Variants in NME9 observed in about 807,000 individuals in gnomAD.
NME9 encodes the protein thioredoxin domain-containing protein 6.
Under a neutral mutation model 44.4 loss-of-function variants are expected in NME9, and 48 were observed. The ratio of observed to expected loss-of-function variants is 1.08; its 90% CI spans 0.86 to 1.37. The LOEUF is 1.37. NME9 is among the 40% of genes most tolerant of loss of function. NME9 has a pLI of 0.00. For missense variants in NME9, 325 were observed against 405.2 expected, an observed-to-expected ratio of 0.80 and a Z score of 1.70; for synonymous variants, 139 against 147.1, an observed-to-expected ratio of 0.94 and a Z score of 0.40.
At chr3:138,280,528 C>T (rs1350752477) in intron 8 of NME9, among the ~76,000 whole-genome samples, 2 of 148,892 alleles carry the variant, frequency 1.3e-5, no homozygotes, top group Non-Finnish European at 3.0e-5. Context: ...GTCTCTCGCT[C>T]TGTCGCCCAG....
intron 8 of NME9, among the ~76,000 whole-genome samples, chr3:138,275,615 C>G (rs1359360404): frequency 6.6e-6 from 1 of 151,876 alleles, no homozygotes; most frequent in East Asian, 1.9e-4. Flanking sequence ...CTGAAAGAAA[C>G]TCGCCCAAGG....
intron 8 of NME9, among the ~76,000 whole-genome samples, chr3:138,266,190 T>C (rs981032646): frequency 6.6e-6 from 1 of 152,228 alleles, no homozygotes; most frequent in Non-Finnish European, 1.5e-5. Context: ...ATTAGACATA[T>C]GTCATCTCTT....
chr3:138,324,730 A>AT, intron 2 of NME9, 143 bp downstream of exon 2: 3 of 655,582 alleles, frequency 4.6e-6, no homozygotes, highest in Non-Finnish European at 8.5e-6. Context: ...ACACACACAC[A>AT]CACACACACA....
At chr3:138,268,725 A>G (rs1358178001) in intron 8 of NME9, among the ~76,000 whole-genome samples, 1 of 151,994 alleles carries the variant, frequency 6.6e-6, no homozygotes, top group African/African-American at 2.4e-5. Flanking sequence ...GCAATGAGGT[A>G]TGATCATGCC....
At chr3:138,261,703 A>G (rs2047761491) in exon 9 of NME9, 1 of 152,220 alleles carries the variant, frequency 6.6e-6, no homozygotes, top group Non-Finnish European at 1.5e-5. Flanking sequence ...AACAGGATTG[A>G]AAATGAGAGG....
At chr3:138,277,556 A>C (rs1191623668) in intron 8 of NME9, among the ~76,000 whole-genome samples, 3 of 152,216 alleles carry the variant, frequency 2.0e-5, no homozygotes, top group African/African-American at 7.2e-5. Flanking sequence ...ACAAGAAAAC[A>C]ACCAAACATA....
At chr3:138,316,230 A>G (rs2053070964) in intron 4 of NME9, among the ~76,000 whole-genome samples, 1 of 152,288 alleles carries the variant, frequency 6.6e-6, no homozygotes, top group Middle Eastern at 3.4e-3. Context: ...CCAGCAGTTC[A>G]TTAAGGGAGG....
At chr3:138,313,872 A>C (rs1361071200) in intron 6 of NME9, among the ~76,000 whole-genome samples, 1 of 152,214 alleles carries the variant, frequency 6.6e-6, no homozygotes. Flanking sequence ...GATCTCATGA[A>C]GATAGAGAGT....
chr3:138,272,650 G>A (rs2048902958), intron 8 of NME9, among the ~76,000 whole-genome samples: 1 of 152,216 alleles, frequency 6.6e-6, no homozygotes, highest in Non-Finnish European at 1.5e-5. Context: ...GCCAAAGCAA[G>A]TGGATCACGA....
chr3:138,261,863 G>A (rs1443789115), exon 9 of NME9: 1 of 152,210 alleles, frequency 6.6e-6, no homozygotes. Context: ...AAGTTGCAAT[G>A]TGTGTCCCCA....
chr3:138,304,531 G>A (rs932407404), intron 9 of NME9, among the ~76,000 whole-genome samples: 2 of 152,206 alleles, frequency 1.3e-5, no homozygotes, highest in Admixed American at 6.5e-5. Flanking sequence ...GTCTCTGATT[G>A]ACAGGCTTGA....
intron 10 of NME9, chr3:138,303,270 A>G (rs2108428263): frequency 2.4e-6 from 1 of 410,214 alleles, no homozygotes; most frequent in East Asian, 3.5e-5. Flanking sequence ...TGACTCCAAG[A>G]TAAGCAGCAA....
At chr3:138,307,046 G>A (rs929055468) in intron 6 of NME9, among the ~76,000 whole-genome samples, 1 of 152,140 alleles carries the variant, frequency 6.6e-6, no homozygotes, top group Non-Finnish European at 1.5e-5. Context: ...GGCTCCTCCA[G>A]GCCCTGAGTC....
exon 9 of NME9, chr3:138,262,472 T>C (rs1359477936): frequency 6.5e-7 from 1 of 1,549,636 alleles, no homozygotes; most frequent in African/African-American, 1.4e-5. Flanking sequence ...CTCTTCTTGT[T>C]TGGCTGAAAC....
At chr3:138,271,281 C>T (rs961534878) in intron 8 of NME9, among the ~76,000 whole-genome samples, 4 of 152,206 alleles carry the variant, frequency 2.6e-5, no homozygotes, top group African/African-American at 9.6e-5. Context: ...TTCTACCTAG[C>T]TTCCTTTTCA....
chr3:138,318,338 C>A, intron 3 of NME9, 119 bp from the exon 4 acceptor site: 1 of 711,798 alleles, frequency 1.4e-6, no homozygotes, highest in South Asian at 1.5e-5. Flanking sequence ...AGGTAGAGCC[C>A]CGATTTGCTC....
chr3:138,306,382 G>A lies in NME9; in HGVS notation c.543+16C>T, dbSNP rs75642719. The A allele has an allele frequency of 1.7e-3, 2,724 of 1,574,202 alleles. 45 individuals are homozygous for A. In the African/African-American group the frequency reaches 0.034, roughly 20 times the overall value. ...ACACAAGGACAGTGGTGCATGGTAA[G>A]TGTTGTCTCTCTTACCTTCATGATA... On this transcript the variant is annotated intron_variant, in intron 7 of 10. Coordinates refer to ENST00000333911, the MANE Select transcript of NME9 (RefSeq NM_001349018.2).
intron 8 of NME9, among the ~76,000 whole-genome samples, chr3:138,275,921 C>T (rs1286209013): frequency 6.6e-6 from 1 of 151,812 alleles, no homozygotes; most frequent in South Asian, 2.1e-4. Flanking sequence ...TAAAATTAGC[C>T]GAAATGAAAT....
intron 10 of NME9, 83 bp downstream of exon 10, chr3:138,303,424 A>G: frequency 9.0e-7 from 1 of 1,105,126 alleles, no homozygotes; most frequent in Non-Finnish European, 1.4e-6. Context: ...AAAAATTATC[A>G]ATCCCCCACA....
Sources: allele counts gnomAD v4.1 joint callset (sites outside exome capture counted in the v4.1 genomes callset), GRCh38; gene constraint gnomAD v4.1.1; transcripts MANE v1.5; gene names NCBI Gene and HGNC (gene_info 2026-07-23, HGNC 2026-07-21).